NMUR1: variants seen among roughly 807,000 people sequenced by gnomAD.
NMUR1 encodes the protein neuromedin-U receptor 1.
Under a neutral mutation model 18.8 loss-of-function variants are expected in NMUR1, and 16 were observed. That is an observed-to-expected ratio of 0.85 (90% CI 0.58 to 1.29). The LOEUF is 1.29. NMUR1 is among the 50% of genes most tolerant of loss of function. The pLI is 0.00. For synonymous variants in NMUR1, 258 were observed against 258.2 expected (o/e 1.00, Z 0.01); for missense variants, 529 against 580.3 (o/e 0.91, Z 0.91).
downstream of NMUR1, among the ~76,000 whole-genome samples, chr2:231,518,928 G>A (rs2047286653): frequency 6.6e-6 from 1 of 152,138 alleles, no homozygotes; most frequent in Non-Finnish European, 1.5e-5. Flanking sequence ...AAGCTCAGGG[G>A]CCAGTCAGAC....
Position 231,525,120 on chromosome 2 carries a change from C to T in NMUR1, c.1204G>A (p.Gly402Ser). ...GGGTGGACCCAGCTGCCCAGGGAGC[C>T]CACATCACACAGGGTGCTGCCTGTG... ...MTTGSTLCDV[G>S]SLGSWVHPLA... The change falls in exon 3 of 3, where the codon GGC becomes AGC. Residue 402 changes from glycine (G) to serine (S), a missense_variant. Coordinates refer to ENST00000305141, the MANE Select transcript of NMUR1 (RefSeq NM_006056.5). 6.2e-7 allele frequency: 1 copy of T among 1,613,546 alleles called. No individual in the cohort carries two copies. The highest frequency in any genetic ancestry group is 8.5e-7 in the Non-Finnish European group (1 of 1,179,692).
Position 231,525,497 on chromosome 2 carries a change from G to T in NMUR1, c.899-72C>A, listed in dbSNP as rs1575286575. On this transcript the variant is annotated intron_variant, in intron 2 of 2. Coordinates refer to ENST00000305141, the MANE Select transcript of NMUR1 (RefSeq NM_006056.5). Reference sequence around the variant, plus strand: ...AGCTGCCTTCCCGGGCTTCAGTTTGGGTCACCCATTTTCACATCCTCTCCT... The same window carrying T: ...AGCTGCCTTCCCGGGCTTCAGTTTGTGTCACCCATTTTCACATCCTCTCCT... 3.3e-6 allele frequency: 5 copies of T among 1,515,418 alleles called. No individual in the cohort carries two copies. In the East Asian group the frequency reaches 9.1e-5, roughly 28 times the overall value. 93.9% of individuals were successfully genotyped at this position (1,515,418 alleles called of 1,614,324 possible). A position where few individuals can be genotyped will look rare whatever the true frequency, so the allele number is the denominator to read the frequency against.
chr2:231,526,343 A>G (rs1310246429), intron 2 of NMUR1, among the ~76,000 whole-genome samples: 1 of 150,384 alleles, frequency 6.6e-6, no homozygotes, highest in Non-Finnish European at 1.5e-5. Flanking sequence ...GTTGCTCACA[A>G]CCTCCCTGGC....
intron 2 of NMUR1, among the ~76,000 whole-genome samples, chr2:231,525,884 C>T (rs895261878): frequency 6.6e-6 from 1 of 152,086 alleles, no homozygotes; most frequent in African/African-American, 2.4e-5. Context: ...AGCGGCAGAC[C>T]GGAGGTCATG....
Position 231,525,485 on chromosome 2 carries a change from G to A in NMUR1, c.899-60C>T, listed in dbSNP as rs563849904. On this transcript the variant is annotated intron_variant, in intron 2 of 2. Coordinates refer to ENST00000305141, the MANE Select transcript of NMUR1 (RefSeq NM_006056.5). Reference sequence around the variant, plus strand: ...CCGAGGCCCCTCAGCTGCCTTCCCGGGCTTCAGTTTGGGTCACCCATTTTC... The same window carrying A: ...CCGAGGCCCCTCAGCTGCCTTCCCGAGCTTCAGTTTGGGTCACCCATTTTC... 1,308 of 1,539,890 alleles carry A rather than the reference G, an allele frequency of 8.5e-4. 2 individuals are homozygous for A. The Middle Eastern group carries it at 8.7e-3, about 10-fold the overall frequency.
intron 2 of NMUR1, among the ~76,000 whole-genome samples, chr2:231,527,727 A>G (rs2047370356): frequency 6.6e-6 from 1 of 151,632 alleles, no homozygotes; most frequent in African/African-American, 2.4e-5. Flanking sequence ...GCCCAACCAC[A>G]TGCCCTGCCC....
At chr2:231,522,341 G>A (rs1001924521), downstream of NMUR1, among the ~76,000 whole-genome samples, 20 of 151,852 alleles carry the variant, frequency 1.3e-4, no homozygotes, top group Non-Finnish European at 2.8e-4. Flanking sequence ...TGCACATGGA[G>A]GCCCTTCATA....
downstream of NMUR1, chr2:231,523,170 C>T: frequency 2.9e-6 from 1 of 346,514 alleles, no homozygotes; most frequent in Non-Finnish European, 5.3e-6. Context: ...TAGGAGGAAA[C>T]ATGCCACTGT....
In NMUR1 at chr2:231,530,399, C is replaced by T. The variant is rs1279787949; in HGVS notation, c.-38G>A. 8 of 1,479,114 alleles carry T rather than the reference C, an allele frequency of 5.4e-6. No individual in the cohort carries two copies. Among genetic ancestry groups the T allele is most frequent in the Non-Finnish European group, 7.1e-6 (8 of 1,122,122 alleles). 91.6% of individuals were successfully genotyped at this position (1,479,114 alleles called of 1,614,324 possible). ...CCGCGAGACCCCGGCTTCCACCCTC[C>T]GAGCGACGGACACAGACGCGGCGCG... On this transcript the variant is annotated 5_prime_UTR_variant, in exon 1 of 3. Transcript: ENST00000305141.
downstream of NMUR1, among the ~76,000 whole-genome samples, chr2:231,521,969 T>TCTC (rs1553536855): frequency 1.9e-4 from 23 of 118,522 alleles, no homozygotes; most frequent in African/African-American, 6.3e-4. Flanking sequence ...TTCTTTTTTT[T>TCTC]TCTCTTTTTT....
At position 231,528,268 on chromosome 2, in the gene NMUR1, G is replaced by C; in HGVS notation, c.753C>G (p.Tyr251Ter). The C allele has an allele frequency of 6.2e-7, 1 of 1,614,042 alleles. No homozygotes were observed. The highest frequency in any genetic ancestry group is 8.5e-7 in the Non-Finnish European group (1 of 1,179,956). The stretch of plus-strand genomic sequence containing the variant: ...GCCGCAGTCGCAGCCCAATGAGCAG[G>C]TAGAGCACGCTCATGATGGCCATGG... ...CLPMAIMSVL[Y>*]LLIGLRLRRE... Residue 251 changes from tyrosine to a stop codon, truncating the protein, a stop_gained, in exon 2 of 3, where the codon TAC becomes TAG. Transcript: ENST00000305141. LOFTEE classifies it high-confidence loss of function.
At chr2:231,525,931 CACACACACATGCATGCACACACACAG>C (rs1469338304) in intron 2 of NMUR1, among the ~76,000 whole-genome samples, 1 of 150,612 alleles carries the variant, frequency 6.6e-6, no homozygotes, top group African/African-American at 2.4e-5. Flanking sequence ...CGCATGCACA[CACACACACATGCATGCACACACACAG>C]ACACACACAT....
chr2:231,530,113 G>C (rs1323282430), intron 1 of NMUR1, among the ~76,000 whole-genome samples: 1 of 152,002 alleles, frequency 6.6e-6, no homozygotes, highest in African/African-American at 2.4e-5. Flanking sequence ...TTGGGAACGC[G>C]CAGGCGCCAG....
Position 231,528,271 on chromosome 2 carries a change from G to C in NMUR1, c.750C>G (p.Leu250=), listed in dbSNP as rs756241506. The C allele has an allele frequency of 1.2e-6, 2 of 1,613,994 alleles. No individual in the cohort carries two copies. The highest frequency in any genetic ancestry group is 2.2e-5 in the East Asian group (1 of 44,888). ...GCAGTCGCAGCCCAATGAGCAGGTA[G>C]AGCACGCTCATGATGGCCATGGGCA... ...FCLPMAIMSV[L]YLLIGLRLRR... The change falls in exon 2 of 3, where the codon CTC becomes CTG. Residue 250 remains leucine, a synonymous_variant. Transcript: ENST00000305141.
At chr2:231,525,529 C>T (rs753104059) in intron 2 of NMUR1, 104 bp from the exon 3 acceptor site, 2 of 1,285,128 alleles carry the variant, frequency 1.6e-6, no homozygotes, top group Non-Finnish European at 1.1e-6. Flanking sequence ...TCCTATCCCA[C>T]AGGCCACCCT....
downstream of NMUR1, among the ~76,000 whole-genome samples, chr2:231,521,436 T>C (rs1185804302): frequency 6.6e-6 from 1 of 152,072 alleles, no homozygotes; most frequent in East Asian, 1.9e-4. Context: ...GCAGTAGCAG[T>C]CAAGAGCTCA....
chr2:231,529,503 TAA>T (rs34385559), intron 1 of NMUR1, among the ~76,000 whole-genome samples: 1,768 of 148,938 alleles, frequency 0.012, 34 homozygotes, highest in African/African-American at 0.04. Context: ...AATCTACATT[TAA>T]AAAAAAAAAA....
rs2047323043 is a variant in NMUR1, at chr2:231,523,419, C to T, written c.*1624G>A. On this transcript the variant is annotated 3_prime_UTR_variant, in exon 3 of 3. Coordinates refer to ENST00000305141, the MANE Select transcript of NMUR1 (RefSeq NM_006056.5). ...ATTAAAGAACTCCTCACTTGCCCTTCCCCCATTCCCTGGCAAGAGAGGTTT... is the reference window on the plus strand; with the variant it reads ...ATTAAAGAACTCCTCACTTGCCCTTTCCCCATTCCCTGGCAAGAGAGGTTT... The T allele has an allele frequency of 9.2e-6, 3 of 325,230 alleles. No individual in the cohort carries two copies. Among genetic ancestry groups the T allele is most frequent in the African/African-American group, 2.2e-5 (1 of 46,280 alleles). 20.1% of individuals were successfully genotyped at this position (325,230 alleles called of 1,614,324 possible). A position where few individuals can be genotyped will look rare whatever the true frequency, so the allele number is the denominator to read the frequency against.
At chr2:231,526,944 G>A (rs757493170) in intron 2 of NMUR1, among the ~76,000 whole-genome samples, 2 of 152,126 alleles carry the variant, frequency 1.3e-5, no homozygotes, top group South Asian at 2.1e-4. Flanking sequence ...GCCCTAATCC[G>A]CAGGCCTCTG....
Sources: allele counts gnomAD v4.1 joint callset (sites outside exome capture counted in the v4.1 genomes callset), GRCh38; gene constraint gnomAD v4.1.1; transcripts MANE v1.5; gene names NCBI Gene and HGNC (gene_info 2026-07-23, HGNC 2026-07-21).